The following MACF1 variants were observed in gnomAD, a reference collection of about 807,000 sequenced individuals.
The protein encoded by MACF1 is microtubule actin crosslinking factor 1.
In MACF1, 193 loss-of-function variants were observed where a neutral mutation model predicts 854.8. The ratio of observed to expected loss-of-function variants is 0.23; its 90% confidence interval spans 0.20 to 0.25. The LOEUF (loss-of-function observed/expected upper bound fraction) is 0.25, where lower values mean the gene tolerates loss of function less well. MACF1 is among the 10% of genes least tolerant of loss of function. The probability of loss-of-function intolerance (pLI) is 1.00; values close to 1 mark genes in which losing one functional copy is unlikely to be tolerated. For synonymous variants in MACF1, 3,185 were observed against 3,226.7 expected (o/e 0.99, Z 0.44); for missense variants, 7,722 against 8,929.1 (o/e 0.86, Z 5.45).
chr1:39,096,806 C>T (rs907447877), intron 2 of MACF1, among the ~76,000 whole-genome samples: 4 of 151,716 alleles, frequency 2.6e-5, no homozygotes, highest in Non-Finnish European at 4.4e-5. Context: ...TTATCTGCTT[C>T]AGAGTCCATG....
chr1:39,106,925 C>A (rs965479755), intron 2 of MACF1, among the ~76,000 whole-genome samples: 8 of 152,026 alleles, frequency 5.3e-5, no homozygotes, highest in African/African-American at 1.9e-4. Flanking sequence ...GCATCAGCTC[C>A]TGTAAACTGT....
chr1:39,365,702 A>G (rs1212239333), intron 49 of MACF1, among the ~76,000 whole-genome samples: 2 of 142,864 alleles, frequency 1.4e-5, no homozygotes, highest in Non-Finnish European at 3.1e-5. Flanking sequence ...TTGAGATGGG[A>G]TCTTGTTCTG....
chr1:39,148,062 T>A (rs965026394), intron 2 of MACF1, among the ~76,000 whole-genome samples: 1 of 152,226 alleles, frequency 6.6e-6, no homozygotes, highest in Admixed American at 6.5e-5. Flanking sequence ...ATGGTGTTCC[T>A]GCTTCTTTCC....
intron 67 of MACF1, 101 bp downstream of exon 67, chr1:39,432,755 A>G (rs1252155146): frequency 3.3e-6 from 4 of 1,223,220 alleles, no homozygotes; most frequent in East Asian, 5.3e-5. Context: ...ATTTAGTGGC[A>G]TGATGGTAAA....
At chr1:39,219,611 C>G (rs1176667587) in intron 1 of MACF1, among the ~76,000 whole-genome samples, 1 of 152,160 alleles carries the variant, frequency 6.6e-6, no homozygotes, top group Non-Finnish European at 1.5e-5. Context: ...TGCTTGACCT[C>G]CAATTTCACC....
At position 39,460,909 on chromosome 1, in the gene MACF1, A is replaced by C. The variant is rs1215549941; in HGVS notation, c.21523+115A>C. 22 of 1,213,678 alleles carry C rather than the reference A, an allele frequency of 1.8e-5. No homozygotes were observed. The highest frequency in any genetic ancestry group is 2.6e-5 in the Non-Finnish European group (22 of 847,632). 75.2% of individuals were successfully genotyped at this position (1,213,678 alleles called of 1,614,324 possible). ...GAAGCTGGCCAGGAGCTTGGCTCAC[A>C]CCTGTAATTCCAGCACTTTGGGAGG... On this transcript the variant is annotated intron_variant, in intron 92 of 100. Coordinates refer to ENST00000564288, the MANE Select transcript of MACF1 (RefSeq NM_001394062.1). The surrounding 1 kb of genome is among the most constrained non-coding windows in gnomAD (Gnocchi z 4.1).
intron 1 of MACF1, among the ~76,000 whole-genome samples, chr1:39,222,265 C>T (rs1644662514): frequency 6.6e-6 from 1 of 152,180 alleles, no homozygotes; most frequent in Non-Finnish European, 1.5e-5. Flanking sequence ...GCTGGGACCA[C>T]AGGCGCAAGC....
chr1:39,342,602 T>G (rs1646960060), intron 40 of MACF1, among the ~76,000 whole-genome samples: 1 of 149,754 alleles, frequency 6.7e-6, no homozygotes, highest in African/African-American at 2.5e-5. Context: ...AGTGGTGCGA[T>G]CTCAGCTCAC....
rs554979175 is a variant in MACF1 at position 39,310,884 on chromosome 1, C to T, written c.3154C>T (p.Arg1052Trp). The T allele has an allele frequency of 4.3e-5, 69 of 1,613,916 alleles. No homozygotes were observed. The highest frequency in any genetic ancestry group is 3.3e-4 in the Middle Eastern group (2 of 6,082). ...KMYISELKNIRLRLEEYEQRV... is the reference protein window; with the variant it reads ...KMYISELKNIWLRLEEYEQRV... The stretch of plus-strand genomic sequence containing the variant: ...GTACATTTCAGAGTTGAAGAACATC[C>T]GGCTACGCCTGGAGGAGTATGAACA... Residue 1052 changes from arginine (R) to tryptophan (W), a missense_variant, in exon 26 of 101, where the codon CGG becomes TGG. Transcript: ENST00000564288.
rs747567098 is a variant in MACF1 at position 39,388,078 on chromosome 1, A to G, written c.15236A>G (p.Asp5079Gly). 2.5e-6 allele frequency: 4 copies of G among 1,614,124 alleles called. No homozygotes were observed. The highest frequency in any genetic ancestry group is 3.4e-6 in the Non-Finnish European group (4 of 1,180,028). ...LRNFTQGLVEDAPDGSDASQL... is the reference protein window; with the variant it reads ...LRNFTQGLVEGAPDGSDASQL... ...AACTTTACTCAGGGTCTGGTAGAAG[A>G]TGCCCCAGATGGATCTGATGCTTCT... Residue 5079 changes from aspartate to glycine, a missense_variant, in exon 58 of 101, where the codon GAT becomes GGT. By Grantham distance (94) the Asp-to-Gly change is moderately conservative. Around this residue, in one of 15 missense-constraint regions of MACF1, gnomAD observed 2,807 missense variants for 3,235.8 expected, o/e 0.87. Transcript: ENST00000564288.
At chr1:39,324,758 G>A in intron 35 of MACF1, 24 bp downstream of exon 35, 2 of 1,526,320 alleles carry the variant, frequency 1.3e-6, no homozygotes, top group Non-Finnish European at 1.8e-6. Context: ...GAGAGATTAT[G>A]GCACATCTGG....
At position 39,388,245 on chromosome 1, in the gene MACF1, T is replaced by G; in HGVS notation, c.15403T>G (p.Leu5135Val). 6.2e-7 allele frequency: 1 copy of G among 1,614,174 alleles called. No homozygotes were observed. The highest frequency in any genetic ancestry group is 8.5e-7 in the Non-Finnish European group (1 of 1,180,018). The change falls in exon 58 of 101, where the codon TTG (leucine) becomes GTG (valine). Residue 5135 changes from leucine (L) to valine (V), a missense_variant. Physicochemically the swap from Leu to Val is conservative, Grantham distance 32. This residue lies in a region of MACF1 where 2,807 missense variants were observed against 3,235.8 expected (regional missense o/e 0.87). Coordinates refer to ENST00000564288, the MANE Select transcript of MACF1 (RefSeq NM_001394062.1). ...HCRVREMFSQ[L>V]ADLDDELDGM... ...CCGGGTCCGAGAGATGTTCTCTCAA[T>G]TGGCAGACCTGGATGATGAGCTAGA...
intron 49 of MACF1, among the ~76,000 whole-genome samples, 170 bp from the exon 50 acceptor site, chr1:39,367,976 GAA>G (rs374434053): frequency 3.8e-3 from 401 of 106,364 alleles, no homozygotes; most frequent in Non-Finnish European, 5.9e-3. Flanking sequence ...GTCTCAAAAG[GAA>G]AAAAAAAAAA....
chr1:39,284,503 C>T, intron 11 of MACF1, 75 bp downstream of exon 11: 2 of 925,812 alleles, frequency 2.2e-6, no homozygotes, highest in Non-Finnish European at 3.2e-6. Flanking sequence ...TTATAGATTC[C>T]TTGTATTCTT....
At chr1:39,196,861 G>T (rs1262318925) in intron 2 of MACF1, among the ~76,000 whole-genome samples, 3 of 152,146 alleles carry the variant, frequency 2.0e-5, no homozygotes, top group African/African-American at 7.2e-5. Context: ...GAGATTTCTT[G>T]TGGGTAACAG....
rs147693306 is a variant in MACF1 at position 39,436,578 on chromosome 1, T to C, written c.17988+817T>C. 2.0e-3 allele frequency: 2,545 copies of C among 1,269,092 alleles called. 8 individuals carry two copies. The highest frequency in any genetic ancestry group is 0.01 in the East Asian group (453 of 43,198). The allele number at this position is 1,269,092 out of a possible 1,614,324, so 78.6% of individuals were successfully genotyped here. ...CCTGTAAGGGAATTTCCCTTAACTT[T>C]AGTGGAATAAATTTAATTAGTGCAG... On this transcript the variant is annotated intron_variant, in intron 70 of 100. Coordinates refer to ENST00000564288, the MANE Select transcript of MACF1 (RefSeq NM_001394062.1).
Position 39,331,879 on chromosome 1 carries a change from G to C in MACF1, c.5291G>C (p.Arg1764Pro), listed in dbSNP as rs755760458. ...EGLIDRQVTV[R>P]LLEAQLFAGG... ...CTAATAGATAGGCAGGTCACTGTCCGGTTGCTGGAAGCTCAGCTTTTTGCT... is the reference window on the plus strand; with the variant it reads ...CTAATAGATAGGCAGGTCACTGTCCCGTTGCTGGAAGCTCAGCTTTTTGCT... Residue 1764 changes from arginine to proline, a missense_variant, in exon 37 of 101, where the codon CGG becomes CCG. Transcript: ENST00000564288. 1.2e-6 allele frequency: 2 copies of C among 1,614,086 alleles called. No individual in the cohort carries two copies. The highest frequency in any genetic ancestry group is 4.5e-5 in the East Asian group (2 of 44,872).
At chr1:39,212,239 A>G (rs1186776521) in intron 1 of MACF1, among the ~76,000 whole-genome samples, 2 of 152,160 alleles carry the variant, frequency 1.3e-5, no homozygotes, top group Non-Finnish European at 2.9e-5. Context: ...AATGGCTCGG[A>G]TGACTCTACT....
intron 28 of MACF1, 71 bp downstream of exon 28, chr1:39,316,600 A>G (rs1646415572): frequency 2.7e-6 from 4 of 1,480,894 alleles, no homozygotes; most frequent in African/African-American, 2.8e-5. Flanking sequence ...GAGAAATGCA[A>G]TTTTGGATGG....
Sources: gnomAD v4.1 joint callset for allele counts (sites outside exome capture counted in the v4.1 genomes callset) on GRCh38, gnomAD v4.1.1 for gene constraint, gnomAD v4.1.1 regional missense constraint, Gnocchi (gnomAD v3.1) non-coding constraint, MANE v1.5 for transcripts, NCBI Gene and HGNC (gene_info 2026-07-23, HGNC 2026-07-21) for gene names.